Variants in SPINT1 observed in about 807,000 individuals in gnomAD.
SPINT1 encodes kunitz-type protease inhibitor 1.
Under a neutral mutation model 53.7 loss-of-function variants are expected in SPINT1, and 38 were observed. The ratio of observed to expected loss-of-function variants is 0.71; its 90% confidence interval spans 0.55 to 0.93. The LOEUF (loss-of-function observed/expected upper bound fraction) is 0.93, where lower values mean the gene tolerates loss of function less well. Among genes scored for constraint, SPINT1 ranks in the 40% least tolerant of loss-of-function variants. SPINT1 has a pLI of 0.00. For missense variants in SPINT1, 645 were observed against 692.9 expected, an observed-to-expected ratio of 0.93 and a Z score of 0.78; for synonymous variants, 283 against 280.6, an observed-to-expected ratio of 1.01 and a Z score of -0.08.
At chr15:40,845,283 C>G (rs1011473779) in intron 2 of SPINT1, among the ~76,000 whole-genome samples, 1 of 144,632 alleles carries the variant, frequency 6.9e-6, no homozygotes, top group Non-Finnish European at 1.5e-5. Context: ...TCCGGAGTAG[C>G]TGGAACTACA....
rs547972507 is a variant in SPINT1 at position 40,856,876 on chromosome 15, A to ACAC, written c.1454_1456dup (p.His485dup). The ACAC allele has an allele frequency of 1.6e-3, 2,632 of 1,614,000 alleles. 46 individuals are homozygous for ACAC. The South Asian group carries it at 0.024, about 15-fold the overall frequency. On this transcript the variant is annotated inframe_insertion, in exon 11 of 11. Coordinates refer to ENST00000562057, the MANE Select transcript of SPINT1 (RefSeq NM_003710.4). ...AGAACCAGAGAAAGGACTTCCACGG[A>ACAC]CACCACCACCACCCACCACCCACCC... is the stretch of plus-strand genomic sequence containing the variant.
intron 8 of SPINT1, 37 bp from the exon 9 acceptor site, chr15:40,855,855 T>G (rs780421858): frequency 6.3e-7 from 1 of 1,584,146 alleles, no homozygotes; most frequent in African/African-American, 1.3e-5. Context: ...AGGGAGGCCA[T>G]GGACTCGCTC....
At chr15:40,848,469 C>T (rs560835462) in intron 2 of SPINT1, among the ~76,000 whole-genome samples, 9 of 152,248 alleles carry the variant, frequency 5.9e-5, no homozygotes, top group Admixed American at 1.3e-4. Flanking sequence ...AGTTAGTCCC[C>T]GTAGTATTGT....
At position 40,855,970 on chromosome 15, in the gene SPINT1, A is replaced by G. The variant is rs780125788; in HGVS notation, c.1196A>G (p.His399Arg). ...PRWYYNPFSE[H>R]CARFTYGGCY... ...TGGTACTACAACCCCTTCAGCGAACACTGCGCCCGCTTTACCTATGGTGGT... is the reference window on the plus strand; with the variant it reads ...TGGTACTACAACCCCTTCAGCGAACGCTGCGCCCGCTTTACCTATGGTGGT... Residue 399 changes from histidine to arginine, a missense_variant, in exon 9 of 11, where the codon CAC becomes CGC. Coordinates refer to ENST00000562057, the MANE Select transcript of SPINT1 (RefSeq NM_003710.4). 9.3e-6 allele frequency: 15 copies of G among 1,614,098 alleles called. No homozygotes were observed. The highest frequency in any genetic ancestry group is 2.7e-5 in the African/African-American group (2 of 74,950).
Position 40,856,282 on chromosome 15 carries a change from A to T in SPINT1, c.1295A>T (p.Asp432Val). 6.2e-7 allele frequency: 1 copy of T among 1,614,072 alleles called. No homozygotes were observed. ...TCCCCTCATCATTCTGCAGAGAAGGATGTGTTTGGCCTGAGGCGGGAAATC... is the reference window on the plus strand; with the variant it reads ...TCCCCTCATCATTCTGCAGAGAAGGTTGTGTTTGGCCTGAGGCGGGAAATC... ...LESCRGISKK[D>V]VFGLRREIPI... The change falls in exon 10 of 11, where the codon GAT (aspartate) becomes GTT (valine). Residue 432 changes from aspartate (D) to valine (V), a missense_variant. Asp to Val is a radical substitution (Grantham distance 152). Coordinates refer to ENST00000562057, the MANE Select transcript of SPINT1 (RefSeq NM_003710.4).
Position 40,845,023 on chromosome 15 carries a change from T to A in SPINT1, c.469T>A (p.Phe157Ile). Reference sequence around the variant, plus strand: ...CTACCGCCAGCTGCGGACCCAGGGCTTTGGAGGTGAGGAGGGTGCCAAGAT... The same window carrying A: ...CTACCGCCAGCTGCGGACCCAGGGCATTGGAGGTGAGGAGGGTGCCAAGAT... The part of the protein sequence containing the change: ...RSYRQLRTQG[F>I]GGSGIPKAWA... The change falls in exon 2 of 11, where the codon TTT becomes ATT. Residue 157 changes from phenylalanine to isoleucine, a missense_variant. Physicochemically the swap from Phe to Ile is conservative, Grantham distance 21 (BLOSUM62 0). Coordinates refer to ENST00000562057, the MANE Select transcript of SPINT1 (RefSeq NM_003710.4). 2 of 1,604,450 alleles carry A rather than the reference T, an allele frequency of 1.2e-6. No individual in the cohort carries two copies. The highest frequency in any genetic ancestry group is 1.7e-6 in the Non-Finnish European group (2 of 1,175,102).
chr15:40,849,359 A>T (rs1196633229), intron 2 of SPINT1, among the ~76,000 whole-genome samples: 2 of 152,148 alleles, frequency 1.3e-5, no homozygotes, highest in African/African-American at 4.8e-5. Flanking sequence ...CGATCCTCCC[A>T]ACCTCATCTT....
At position 40,852,627 on chromosome 15, in the gene SPINT1, C is replaced by CTGTGTG. The variant is rs3033553; in HGVS notation, c.476-467_476-462dup. On this transcript the variant is annotated intron_variant, in intron 2 of 10. Transcript: ENST00000562057. ...TAAGCCTATCCCCTCAAGTAAGTGT[C>CTGTGTG]TGTGTGTGTGTGTGTGTGTGTGTGT... Among the ~76,000 whole-genome samples the CTGTGTG allele has an allele frequency of 3.7e-3, 529 of 143,498 alleles. 4 individuals carry two copies. The highest frequency in any genetic ancestry group is 0.012 in the South Asian group (53 of 4,416). 94.1% of individuals were successfully genotyped at this position (143,498 alleles called of 152,430 possible).
In SPINT1 at chr15:40,844,855, C is replaced by T. The variant is rs779633506; in HGVS notation, c.301C>T (p.Leu101=). ...CACCACCCAGAACTGCAACTTGGCG[C>T]TAGTGGAGCTGCAGCCCGACCGCGG... ...CCTTQNCNLA[L]VELQPDRGED... Residue 101 remains leucine, a synonymous_variant, in exon 2 of 11, where the codon CTA becomes TTA. Coordinates refer to ENST00000562057, the MANE Select transcript of SPINT1 (RefSeq NM_003710.4). The surrounding 1 kb of genome is among the most constrained non-coding windows in gnomAD (Gnocchi z 5.8). The T allele has an allele frequency of 1.2e-6, 2 of 1,613,898 alleles. No homozygotes were observed. Among genetic ancestry groups the T allele is most frequent in the Middle Eastern group, 1.6e-4 (1 of 6,062 alleles).
At chr15:40,850,361 G>A (rs114306054) in intron 2 of SPINT1, among the ~76,000 whole-genome samples, 8,164 of 152,236 alleles carry the variant, frequency 0.054, 349 homozygotes, top group African/African-American at 0.12. Context: ...GTGAGCCACC[G>A]CACCCGGCTG....
Position 40,857,012 on chromosome 15 carries a change from C to T in SPINT1, c.*37C>T, listed in dbSNP as rs1891667427. The T allele has an allele frequency of 1.9e-6, 3 of 1,607,466 alleles. No individual in the cohort carries two copies. Among genetic ancestry groups the T allele is most frequent in the African/African-American group, 1.3e-5 (1 of 74,836 alleles). ...ACCGGCTCTCACCTGGCCCTGCTTC[C>T]TGCTTGCCAAGGCAGAGGCCTGGGC... On this transcript the variant is annotated 3_prime_UTR_variant, in exon 11 of 11. Coordinates refer to ENST00000562057, the MANE Select transcript of SPINT1 (RefSeq NM_003710.4).
chr15:40,847,841 G>A (rs952386746), intron 2 of SPINT1, among the ~76,000 whole-genome samples: 5 of 151,882 alleles, frequency 3.3e-5, no homozygotes, highest in African/African-American at 1.2e-4. Flanking sequence ...GGCCTGGTGG[G>A]GCTAGCCTGT....
intron 9 of SPINT1, 78 bp from the exon 10 acceptor site, chr15:40,856,198 T>C (rs1891636364): frequency 6.3e-7 from 1 of 1,594,766 alleles, no homozygotes; most frequent in Non-Finnish European, 8.6e-7. Flanking sequence ...GATGCCAGTG[T>C]GAGGTCTGGG....
In SPINT1 at chr15:40,857,969, T is replaced by C. The variant is rs1411623288; in HGVS notation, c.*994T>C. The C allele has an allele frequency of 6.6e-6, 1 of 152,152 alleles. No homozygotes were observed. The highest frequency in any genetic ancestry group is 1.5e-5 in the Non-Finnish European group (1 of 68,046). The allele number at this position is 152,152 out of a possible 1,614,324, so 9.4% of individuals were successfully genotyped here. On this transcript the variant is annotated 3_prime_UTR_variant, in exon 11 of 11. Coordinates refer to ENST00000562057, the MANE Select transcript of SPINT1 (RefSeq NM_003710.4). ...CTCCACAATTCTGCTCATTTGGAGG[T>C]TGGGGTTAGGGGTGCACAGGCACCT...
At chr15:40,853,045 C>T in intron 2 of SPINT1, 79 bp from the exon 3 acceptor site, 2 of 1,546,634 alleles carry the variant, frequency 1.3e-6, no homozygotes, top group Non-Finnish European at 1.7e-6. Context: ...CCCATACTTT[C>T]ACCACCCCAC....
In SPINT1 at chr15:40,856,756, C is replaced by T; in HGVS notation, c.1337-14C>T. The T allele has an allele frequency of 6.2e-7, 1 of 1,613,988 alleles. No homozygotes were observed. The highest frequency in any genetic ancestry group is 8.5e-7 in the Non-Finnish European group (1 of 1,180,004). ...GGCCCTGGGAGCCCCTTATTCTACCCCTTCTTCCCCCAGGCTCTGTGGAGA... is the reference window on the plus strand; with the variant it reads ...GGCCCTGGGAGCCCCTTATTCTACCTCTTCTTCCCCCAGGCTCTGTGGAGA... On this transcript the variant is annotated splice_polypyrimidine_tract_variant and intron_variant, in intron 10 of 10. Transcript: ENST00000562057.
rs772588036 is a variant in SPINT1, at chr15:40,853,582, A to G, written c.697A>G (p.Thr233Ala). ...GACTAGCTCAGACCACCCAGAGGAC[A>G]CGGCCAACGTCACAGTCACTGTGCT... ...TVTSSDHPED[T>A]ANVTVTVLST... Residue 233 changes from threonine (T) to alanine (A), a missense_variant, in exon 4 of 11, where the codon ACG becomes GCG. Coordinates refer to ENST00000562057, the MANE Select transcript of SPINT1 (RefSeq NM_003710.4). 1 of 1,614,016 alleles carries G rather than the reference A, an allele frequency of 6.2e-7. No individual in the cohort carries two copies.
In SPINT1 at chr15:40,854,537, A is replaced by T; in HGVS notation, c.1066+15A>T. On this transcript the variant is annotated intron_variant, in intron 7 of 10. Coordinates refer to ENST00000562057, the MANE Select transcript of SPINT1 (RefSeq NM_003710.4). Reference sequence around the variant, plus strand: ...CTGTGAAAAATGTGAGGCCTGGGGGATAGAGGGGGTTGGGCAGCAGACAGG... The same window carrying T: ...CTGTGAAAAATGTGAGGCCTGGGGGTTAGAGGGGGTTGGGCAGCAGACAGG... 1 of 1,613,450 alleles carries T rather than the reference A, an allele frequency of 6.2e-7. No homozygotes were observed. Among genetic ancestry groups the T allele is most frequent in the Non-Finnish European group, 8.5e-7 (1 of 1,179,710 alleles).
In SPINT1 at chr15:40,853,655, G is replaced by A; in HGVS notation, c.742+28G>A. ...GAGGGAGGGGTGAGGAGCAGCACCT[G>A]GAGCCCCCGCTGTGCGGATTGGCCG... On this transcript the variant is annotated intron_variant, in intron 4 of 10. Transcript: ENST00000562057. 4 of 1,613,952 alleles carry A rather than the reference G, an allele frequency of 2.5e-6. No homozygotes were observed. The South Asian group carries it at 4.4e-5, about 18-fold the overall frequency.
Sources: gnomAD v4.1 joint callset for allele counts (sites outside exome capture counted in the v4.1 genomes callset) on GRCh38, gnomAD v4.1.1 for gene constraint, Gnocchi (gnomAD v3.1) non-coding constraint, MANE v1.5 for transcripts, NCBI Gene and HGNC (gene_info 2026-07-23, HGNC 2026-07-21) for gene names.